The following DLG2 variants were observed in gnomAD, a reference collection of about 807,000 sequenced individuals.
DLG2 encodes the protein discs large MAGUK scaffold protein 2.
Under a neutral mutation model 132.5 loss-of-function variants are expected in DLG2, and 45 were observed. The ratio of observed to expected loss-of-function variants is 0.34; its 90% confidence interval spans 0.27 to 0.44. The LOEUF (loss-of-function observed/expected upper bound fraction) is 0.44, where lower values mean the gene tolerates loss of function less well. DLG2 is among the 20% of genes least tolerant of loss of function. The pLI is 1.00. For missense variants in DLG2, 1,045 were observed against 1,196.9 expected (o/e 0.87, Z 1.87); for synonymous variants, 424 against 419.6 (o/e 1.01, Z -0.13).
At chr11:84,020,165 G>T (rs768257055) in intron 11 of DLG2, among the ~76,000 whole-genome samples, 2 of 152,054 alleles carry the variant, frequency 1.3e-5, no homozygotes, top group African/African-American at 4.8e-5. Context: ...AAAGGAAAAG[G>T]GGATTTGAGA....
intron 4 of DLG2, among the ~76,000 whole-genome samples, chr11:85,221,007 T>C (rs2074601510): frequency 6.6e-6 from 1 of 151,934 alleles, no homozygotes; most frequent in East Asian, 1.9e-4. Flanking sequence ...ATGAGAGAAT[T>C]TGATAGAAAA....
At chr11:84,812,699 A>G (rs1445110281) in intron 6 of DLG2, among the ~76,000 whole-genome samples, 1 of 152,170 alleles carries the variant, frequency 6.6e-6, no homozygotes, top group Non-Finnish European at 1.5e-5. Flanking sequence ...ATGCTTCTTT[A>G]AAACAACATT....
At chr11:84,694,505 T>A (rs1489449350) in intron 6 of DLG2, among the ~76,000 whole-genome samples, 2 of 151,602 alleles carry the variant, frequency 1.3e-5, no homozygotes, top group African/African-American at 4.8e-5. Context: ...AGGTATTTTT[T>A]TTCTTTTTTG....
intron 3 of DLG2, among the ~76,000 whole-genome samples, chr11:85,439,296 A>T (rs2091652037): frequency 6.6e-6 from 1 of 151,846 alleles, no homozygotes; most frequent in South Asian, 2.1e-4. Flanking sequence ...GATCTGCTAC[A>T]TGTTAACCAG....
At chr11:85,516,928 C>T (rs2094180951) in intron 3 of DLG2, among the ~76,000 whole-genome samples, 1 of 151,884 alleles carries the variant, frequency 6.6e-6, no homozygotes. Context: ...TCCTATGAAA[C>T]CAGTACCACC....
In DLG2 at chr11:85,050,211, G is replaced by A. The variant is rs199765186; in HGVS notation, c.357+61450C>T. ...AAAAGGTTCATGAAGTCTTTAGTGGGAACAAAGAAGGAATTAAAAATGTAC... is the reference window on the plus strand; with the variant it reads ...AAAAGGTTCATGAAGTCTTTAGTGGAAACAAAGAAGGAATTAAAAATGTAC... On this transcript the variant is annotated intron_variant, in intron 6 of 27. Transcript: ENST00000376104. 4.0e-5 allele frequency among the ~76,000 whole-genome samples: 6 copies of A among 151,626 alleles called. No individual in the cohort carries two copies. In the East Asian group the frequency reaches 1.2e-3, roughly 29 times the overall value.
intron 11 of DLG2, among the ~76,000 whole-genome samples, chr11:84,027,734 T>A (rs892689012): frequency 6.6e-6 from 1 of 152,076 alleles, no homozygotes; most frequent in African/African-American, 2.4e-5. Context: ...GTATATTAAT[T>A]CAGCAAAAGT....
chr11:83,950,084 CA>C (rs2085012706), intron 14 of DLG2, among the ~76,000 whole-genome samples: 2 of 152,172 alleles, frequency 1.3e-5, no homozygotes, highest in Admixed American at 1.3e-4. Flanking sequence ...GGTTAGTCAA[CA>C]TCAGTTACCT....
chr11:85,214,370 T>A lies in DLG2; in HGVS notation c.187-59719A>T, dbSNP rs75160955. 9.4e-3 allele frequency among the ~76,000 whole-genome samples: 1,438 copies of A among 152,206 alleles called. 8 individuals are homozygous for A. Among genetic ancestry groups the A allele is most frequent in the Non-Finnish European group, 0.014 (944 of 67,998 alleles). Reference sequence around the variant, plus strand: ...GTAGATAGCTGATCTCTACAACACCTCGCAAAAATCTTTGAAAATTTCTCA... The same window carrying A: ...GTAGATAGCTGATCTCTACAACACCACGCAAAAATCTTTGAAAATTTCTCA... On this transcript the variant is annotated intron_variant, in intron 4 of 27. Coordinates refer to ENST00000376104, the MANE Select transcript of DLG2 (RefSeq NM_001142699.3).
At chr11:85,154,797 C>T in intron 4 of DLG2, 146 bp from the exon 5 acceptor site, 2 of 529,050 alleles carry the variant, frequency 3.8e-6, no homozygotes, top group Non-Finnish European at 3.3e-6. Context: ...TATGAATGTA[C>T]TATCTAACCC....
intron 6 of DLG2, among the ~76,000 whole-genome samples, chr11:84,555,777 A>G (rs982969191): frequency 2.6e-5 from 4 of 152,250 alleles, no homozygotes; most frequent in Non-Finnish European, 4.4e-5. Flanking sequence ...TGAACTGTAC[A>G]GTTTAAAATG....
chr11:84,160,450 G>A (rs1015948752), intron 9 of DLG2, among the ~76,000 whole-genome samples: 2 of 151,998 alleles, frequency 1.3e-5, no homozygotes, highest in African/African-American at 4.8e-5. Context: ...TGATATAAAT[G>A]GATTTATGAC....
intron 18 of DLG2, among the ~76,000 whole-genome samples, chr11:83,696,053 G>T (rs1189735364): frequency 2.0e-5 from 3 of 152,164 alleles, no homozygotes; most frequent in Non-Finnish European, 4.4e-5. Flanking sequence ...ACTTTAAACA[G>T]CAGAGTGAAC....
intron 3 of DLG2, among the ~76,000 whole-genome samples, chr11:85,480,952 C>A (rs963484491): frequency 1.1e-4 from 16 of 152,232 alleles, no homozygotes; most frequent in African/African-American, 3.6e-4. Context: ...AAAGAGACTA[C>A]ATTTACTCCA....
rs1325574159 is a variant in DLG2, at chr11:85,011,540, A to G, written c.357+100121T>C. ...GCAAAAGAGTAAGTAAATATAGATA[A>G]AAATACTTTCTTTGACTTCGACTGA... is the stretch of plus-strand genomic sequence containing the variant. On this transcript the variant is annotated intron_variant, in intron 6 of 27. Transcript: ENST00000376104. Among the ~76,000 whole-genome samples the G allele has an allele frequency of 2.0e-5, 3 of 152,208 alleles. No homozygotes were observed. In the South Asian group the frequency reaches 6.2e-4, roughly 32 times the overall value.
chr11:84,854,396 A>G (rs549213157), intron 6 of DLG2, among the ~76,000 whole-genome samples: 1 of 152,016 alleles, frequency 6.6e-6, no homozygotes, highest in South Asian at 2.1e-4. Flanking sequence ...ACATTCCTGG[A>G]TGATTAAATA....
intron 6 of DLG2, among the ~76,000 whole-genome samples, chr11:84,599,564 T>C (rs768209635): frequency 3.9e-5 from 6 of 152,194 alleles, no homozygotes; most frequent in Non-Finnish European, 8.8e-5. Context: ...TATTCATACA[T>C]CTTAGTTCAT....
At chr11:84,783,560 C>T (rs978121654) in intron 6 of DLG2, among the ~76,000 whole-genome samples, 1 of 152,152 alleles carries the variant, frequency 6.6e-6, no homozygotes, top group African/African-American at 2.4e-5. Context: ...GGTCTCATGG[C>T]ATCTAAATTT....
chr11:84,023,209 G>C (rs1200901503), intron 11 of DLG2, among the ~76,000 whole-genome samples: 1 of 152,024 alleles, frequency 6.6e-6, no homozygotes, highest in Non-Finnish European at 1.5e-5. Flanking sequence ...ACAAAAAACA[G>C]TTCTTAAATG....
Sources: gnomAD v4.1 joint callset for allele counts (sites outside exome capture counted in the v4.1 genomes callset) on GRCh38, gnomAD v4.1.1 for gene constraint, MANE v1.5 for transcripts, NCBI Gene and HGNC (gene_info 2026-07-23, HGNC 2026-07-21) for gene names.